WWC1: variants seen among roughly 807,000 people sequenced by gnomAD.
WWC1 encodes the protein WW and C2 domain containing 1.
WWC1 carries 55 observed loss-of-function variants against 138.4 expected under a neutral mutation model. The ratio of observed to expected loss-of-function variants is 0.40; its 90% CI spans 0.32 to 0.50. The LOEUF (loss-of-function observed/expected upper bound fraction) is 0.50, where lower values mean the gene tolerates loss of function less well. Among genes scored for constraint, WWC1 ranks in the 20% least tolerant of loss-of-function variants. WWC1 has a pLI of 0.72. For missense variants in WWC1, 1,226 were observed against 1,420.4 expected (o/e 0.86, Z 2.20); for synonymous variants, 524 against 564.9 (o/e 0.93, Z 1.03).
At chr5:168,316,974 A>G (rs987886035) in intron 1 of WWC1, among the ~76,000 whole-genome samples, 1 of 152,242 alleles carries the variant, frequency 6.6e-6, no homozygotes, top group East Asian at 1.9e-4. Flanking sequence ...TCATATTCAA[A>G]AAAGAGTAAA....
chr5:168,464,650 T>C, intron 20 of WWC1, 79 bp from the exon 21 acceptor site: 1 of 1,572,508 alleles, frequency 6.4e-7, no homozygotes, highest in Non-Finnish European at 8.6e-7. Flanking sequence ...GAGAGGGTAT[T>C]TGAGGGTCAG....
intron 15 of WWC1, among the ~76,000 whole-genome samples, chr5:168,439,485 A>G (rs62384101): frequency 3.0e-5 from 4 of 135,160 alleles, no homozygotes; most frequent in Non-Finnish European, 4.7e-5. Context: ...AAAAAAAAAA[A>G]GGCCAGGCGT....
intron 1 of WWC1, among the ~76,000 whole-genome samples, chr5:168,354,174 C>T (rs530973690): frequency 7.4e-4 from 112 of 152,058 alleles, no homozygotes; most frequent in African/African-American, 2.6e-3. Flanking sequence ...CCTCAGCTAC[C>T]CGAGTACTTG....
chr5:168,444,446 G>A, intron 16 of WWC1, 48 bp from the exon 17 acceptor site: 3 of 1,516,206 alleles, frequency 2.0e-6, no homozygotes, highest in South Asian at 1.2e-5. Flanking sequence ...GGCAGGTAGG[G>A]TGGCACCTAC....
chr5:168,330,152 T>C (rs1178965239), intron 1 of WWC1, among the ~76,000 whole-genome samples: 1 of 152,150 alleles, frequency 6.6e-6, no homozygotes, highest in East Asian at 1.9e-4. Context: ...TGGTTAAAAA[T>C]GTAAATTCCA....
intron 2 of WWC1, among the ~76,000 whole-genome samples, chr5:168,372,618 A>G (rs1380420971): frequency 6.6e-6 from 1 of 152,202 alleles, no homozygotes; most frequent in Non-Finnish European, 1.5e-5. Context: ...GATCATCCCC[A>G]TGTCATAAAT....
chr5:168,464,774 T>C lies in WWC1; in HGVS notation c.2962T>C (p.Ser988Pro), dbSNP rs1757117961. The C allele has an allele frequency of 6.2e-7, 1 of 1,613,988 alleles. No individual in the cohort carries two copies. Among genetic ancestry groups the C allele is most frequent in the Non-Finnish European group, 8.5e-7 (1 of 1,180,012 alleles). ...SLRSERLIRT[S>P]LDLELDLQAT... ...GCGCTCCGAGCGTCTGATCCGTACC[T>C]CGCTGGACCTGGAGTTAGACCTGCA... The change falls in exon 21 of 23, where the codon TCG (serine) becomes CCG (proline). Residue 988 changes from serine (S) to proline (P), a missense_variant. Around this residue, in one of 3 missense-constraint regions of WWC1, gnomAD observed 206 missense variants for 247.4 expected, o/e 0.83. Coordinates refer to ENST00000265293, the MANE Select transcript of WWC1 (RefSeq NM_015238.3).
chr5:168,422,472 C>A (rs1667477672), intron 10 of WWC1, among the ~76,000 whole-genome samples: 1 of 152,048 alleles, frequency 6.6e-6, no homozygotes, highest in African/African-American at 2.4e-5. Flanking sequence ...ACAAAATTAG[C>A]TGGGTGTGGT....
At position 168,464,777 on chromosome 5, in the gene WWC1, C is replaced by T; in HGVS notation, c.2965C>T (p.Leu989=). 6.2e-7 allele frequency: 1 copy of T among 1,614,212 alleles called. No homozygotes were observed. Among genetic ancestry groups the T allele is most frequent in the Non-Finnish European group, 8.5e-7 (1 of 1,180,042 alleles). ...CTCCGAGCGTCTGATCCGTACCTCG[C>T]TGGACCTGGAGTTAGACCTGCAGGC... ...LRSERLIRTS[L]DLELDLQATR... is the part of the protein sequence containing the mutation. Residue 989 remains leucine, a synonymous_variant, in exon 21 of 23, where the codon CTG becomes TTG. Coordinates refer to ENST00000265293, the MANE Select transcript of WWC1 (RefSeq NM_015238.3).
At chr5:168,350,589 T>C (rs569225488) in intron 1 of WWC1, among the ~76,000 whole-genome samples, 2 of 152,298 alleles carry the variant, frequency 1.3e-5, no homozygotes, top group South Asian at 4.2e-4. Flanking sequence ...TCTTAAACAT[T>C]GTTCTGTTTT....
chr5:168,402,324 A>G (rs1241977617), intron 5 of WWC1, among the ~76,000 whole-genome samples: 1 of 152,212 alleles, frequency 6.6e-6, no homozygotes, highest in Non-Finnish European at 1.5e-5. Flanking sequence ...CTTGAGAGGC[A>G]GGTGGTCAGG....
intron 5 of WWC1, among the ~76,000 whole-genome samples, chr5:168,401,248 T>C (rs543737005): frequency 1.8e-4 from 28 of 152,230 alleles, no homozygotes; most frequent in African/African-American, 7.2e-5. Flanking sequence ...ATGGGCTCAC[T>C]GGACAATCAT....
At chr5:168,432,260 C>CT (rs1236465245) in intron 15 of WWC1, among the ~76,000 whole-genome samples, 4 of 151,674 alleles carry the variant, frequency 2.6e-5, no homozygotes, top group Non-Finnish European at 5.9e-5. Flanking sequence ...ACCCGTAAAA[C>CT]ACCTATTCAA....
intron 1 of WWC1, among the ~76,000 whole-genome samples, chr5:168,348,505 G>C (rs138362464): frequency 5.9e-5 from 9 of 152,190 alleles, no homozygotes; most frequent in African/African-American, 2.2e-4. Flanking sequence ...GTTCCGGGGT[G>C]GGGTGGAAGC....
At chr5:168,461,489 G>A (rs1370844701) in intron 20 of WWC1, among the ~76,000 whole-genome samples, 2 of 152,230 alleles carry the variant, frequency 1.3e-5, no homozygotes, top group African/African-American at 2.4e-5. Context: ...CTGAAGCAGG[G>A]AAGTGCAAAT....
chr5:168,403,327 G>A (rs1161970987), intron 5 of WWC1, among the ~76,000 whole-genome samples: 1 of 152,046 alleles, frequency 6.6e-6, no homozygotes, highest in African/African-American at 2.4e-5. Flanking sequence ...TCGATCTCCT[G>A]ACTTCGTGAT....
At chr5:168,353,896 A>G (rs1312871870) in intron 1 of WWC1, among the ~76,000 whole-genome samples, 1 of 152,218 alleles carries the variant, frequency 6.6e-6, no homozygotes, top group African/African-American at 2.4e-5. Context: ...CGATGTCTTC[A>G]TTCCTCCATA....
At chr5:168,311,173 C>T (rs10073366) in intron 1 of WWC1, among the ~76,000 whole-genome samples, 2,771 of 152,260 alleles carry the variant, frequency 0.018, 90 homozygotes, top group African/African-American at 0.063. Context: ...GACTCCTCCC[C>T]TCCCCTCCCA....
intron 1 of WWC1, among the ~76,000 whole-genome samples, chr5:168,347,655 G>GC (rs1443551922): frequency 9.9e-5 from 15 of 152,116 alleles, no homozygotes; most frequent in African/African-American, 3.4e-4. Flanking sequence ...GTAAGGGATG[G>GC]CCCTGAAGAA....
Sources: allele counts gnomAD v4.1 joint callset (sites outside exome capture counted in the v4.1 genomes callset), GRCh38; gene constraint gnomAD v4.1.1; regional missense constraint gnomAD v4.1.1; transcripts MANE v1.5; gene names NCBI Gene and HGNC (gene_info 2026-07-23, HGNC 2026-07-21).